The following PDSS2 variants were observed in gnomAD, a reference collection of about 807,000 sequenced individuals.
The protein encoded by PDSS2 is decaprenyl diphosphate synthase subunit 2.
A neutral mutation model predicts 44.5 loss-of-function variants in PDSS2; 31 were observed. That is an observed-to-expected ratio of 0.70 (90% CI 0.52 to 0.94). PDSS2 has a LOEUF of 0.94. Among genes scored for constraint, PDSS2 ranks in the 40% least tolerant of loss-of-function variants. The pLI is 0.00. For synonymous variants in PDSS2, 157 were observed against 180.3 expected (o/e 0.87, Z 1.03); for missense variants, 452 against 482.2 (o/e 0.94, Z 0.59).
At chr6:107,174,885 T>C (rs1771731903) in intron 7 of PDSS2, among the ~76,000 whole-genome samples, 1 of 152,138 alleles carries the variant, frequency 6.6e-6, no homozygotes, top group African/African-American at 2.4e-5. Flanking sequence ...GACAATCTCA[T>C]ATATAGTACT....
intron 7 of PDSS2, among the ~76,000 whole-genome samples, chr6:107,189,544 A>G (rs1772296769): frequency 6.6e-6 from 1 of 151,686 alleles, no homozygotes; most frequent in Non-Finnish European, 1.5e-5. Context: ...CACCATGTTG[A>G]TCAGGCTGGT....
intron 1 of PDSS2, among the ~76,000 whole-genome samples, chr6:107,444,210 T>A (rs319080): frequency 0.38 from 56,947 of 151,598 alleles, 13,216 homozygotes; most frequent in Middle Eastern, 0.64. Context: ...AATTTTTTTT[T>A]TATATAGATG....
At chr6:107,431,609 A>G (rs1420458908) in intron 1 of PDSS2, among the ~76,000 whole-genome samples, 1 of 152,200 alleles carries the variant, frequency 6.6e-6, no homozygotes, top group Non-Finnish European at 1.5e-5. Context: ...TTTGTACAGT[A>G]CAGCATACCT....
At chr6:107,332,536 T>C (rs1777745465) in intron 2 of PDSS2, among the ~76,000 whole-genome samples, 1 of 152,132 alleles carries the variant, frequency 6.6e-6, no homozygotes, top group Admixed American at 6.5e-5. Context: ...TTTTTTAACA[T>C]ACTAATTTAA....
At chr6:107,234,180 A>G (rs1404169535) in intron 4 of PDSS2, among the ~76,000 whole-genome samples, 1 of 151,344 alleles carries the variant, frequency 6.6e-6, no homozygotes, top group Non-Finnish European at 1.5e-5. Context: ...ATATTCTCCA[A>G]TTCTCCATTC....
chr6:107,205,901 G>A (rs1050309950), intron 6 of PDSS2, among the ~76,000 whole-genome samples: 1 of 152,154 alleles, frequency 6.6e-6, no homozygotes, highest in African/African-American at 2.4e-5. Flanking sequence ...TGGCTTCCTT[G>A]TCTAGTCAAT....
intron 2 of PDSS2, among the ~76,000 whole-genome samples, chr6:107,301,557 CTG>C (rs1290214515): frequency 3.3e-5 from 5 of 152,052 alleles, no homozygotes; most frequent in African/African-American, 1.2e-4. Flanking sequence ...TTATCACAGA[CTG>C]TAATATTTTT....
intron 2 of PDSS2, among the ~76,000 whole-genome samples, chr6:107,274,782 C>T (rs2114947758): frequency 6.6e-6 from 1 of 151,066 alleles, no homozygotes; most frequent in South Asian, 2.1e-4. Flanking sequence ...AAATAATCTT[C>T]CCACTTCAGC....
chr6:107,301,798 C>T (rs569449973), intron 2 of PDSS2, among the ~76,000 whole-genome samples: 2 of 151,746 alleles, frequency 1.3e-5, no homozygotes, highest in African/African-American at 4.8e-5. Context: ...CTCATCTCTA[C>T]TAAAATTACA....
At chr6:107,402,518 A>T (rs371622531) in intron 1 of PDSS2, among the ~76,000 whole-genome samples, 1 of 104,634 alleles carries the variant, frequency 9.6e-6, no homozygotes, top group South Asian at 2.8e-4. Context: ...ATACACACAC[A>T]TATATACATA....
chr6:107,355,585 C>A (rs1387774714), intron 1 of PDSS2, among the ~76,000 whole-genome samples: 1 of 152,116 alleles, frequency 6.6e-6, no homozygotes, highest in African/African-American at 2.4e-5. Flanking sequence ...TCCAATCAAG[C>A]TCACCACCCC....
chr6:107,255,540 G>A (rs553981509), intron 3 of PDSS2, among the ~76,000 whole-genome samples: 38 of 151,330 alleles, frequency 2.5e-4, no homozygotes, highest in Admixed American at 1.6e-3. Context: ...CGGAGGTTGC[G>A]GTGAGCCGAG....
chr6:107,342,858 C>T (rs1778122881), intron 1 of PDSS2, among the ~76,000 whole-genome samples: 1 of 152,192 alleles, frequency 6.6e-6, no homozygotes, highest in African/African-American at 2.4e-5. Context: ...GACCATCATC[C>T]TTGAGTAAGC....
At position 107,212,131 on chromosome 6, in the gene PDSS2, T is replaced by C. The variant is rs554066721; in HGVS notation, c.854A>G (p.Lys285Arg). ...EVQNMAFQYG[K>R]HMAMSHKINS... ...TACCTTATGACTCATGGCCATGTGC[T>C]TCCCATACTGAAATGCCATATTCTG... Residue 285 changes from lysine to arginine, a missense_variant, in exon 5 of 8, where the codon AAG becomes AGG. By Grantham distance (26) the Lys-to-Arg change is conservative. Transcript: ENST00000369037. 3 of 1,614,116 alleles carry C rather than the reference T, an allele frequency of 1.9e-6. No individual in the cohort carries two copies. In the South Asian group the frequency reaches 3.3e-5, roughly 18 times the overall value.
At chr6:107,202,767 T>C (rs1161275054) in intron 6 of PDSS2, among the ~76,000 whole-genome samples, 3 of 152,056 alleles carry the variant, frequency 2.0e-5, no homozygotes, top group African/African-American at 4.8e-5. Flanking sequence ...CGTGGATGTC[T>C]AAGGAATTAA....
chr6:107,243,599 A>G (rs1294462165), intron 4 of PDSS2, among the ~76,000 whole-genome samples: 1 of 152,248 alleles, frequency 6.6e-6, no homozygotes, highest in Non-Finnish European at 1.5e-5. Flanking sequence ...CAGTGTCTCA[A>G]CAGCCAGAAC....
chr6:107,454,911 G>C (rs551722232), intron 1 of PDSS2, among the ~76,000 whole-genome samples: 1 of 152,114 alleles, frequency 6.6e-6, no homozygotes, highest in Non-Finnish European at 1.5e-5. Flanking sequence ...TGAAATAACT[G>C]TGTACAGTGT....
intron 1 of PDSS2, among the ~76,000 whole-genome samples, chr6:107,374,553 C>A (rs905062485): frequency 6.6e-6 from 1 of 152,182 alleles, no homozygotes; most frequent in Non-Finnish European, 1.5e-5. Context: ...AGTGGTTAGG[C>A]ACAGGCAGGA....
intron 2 of PDSS2, among the ~76,000 whole-genome samples, chr6:107,313,218 TAA>T (rs1263561978): frequency 3.3e-5 from 5 of 152,230 alleles, no homozygotes; most frequent in Non-Finnish European, 5.9e-5. Flanking sequence ...GCATATAAAC[TAA>T]GAGTATACTT....
Sources: allele counts gnomAD v4.1 joint callset (sites outside exome capture counted in the v4.1 genomes callset), GRCh38; gene constraint gnomAD v4.1.1; transcripts MANE v1.5; gene names NCBI Gene and HGNC (gene_info 2026-07-23, HGNC 2026-07-21).